SNX14: variants seen among roughly 807,000 people sequenced by gnomAD.
The protein encoded by SNX14 is sorting nexin-14.
SNX14 carries 93 observed loss-of-function variants against 133.8 expected under a neutral mutation model. The ratio of observed to expected loss-of-function variants is 0.70; its 90% CI spans 0.59 to 0.83. The LOEUF (loss-of-function observed/expected upper bound fraction) is 0.83. Among genes scored for constraint, SNX14 ranks in the 40% least tolerant of loss-of-function variants. The probability of loss-of-function intolerance (pLI) is 0.00; values close to 1 mark genes in which losing one functional copy is unlikely to be tolerated. For missense variants in SNX14, 945 were observed against 1,094.9 expected (o/e 0.86, Z 1.93); for synonymous variants, 368 against 365.6 (o/e 1.01, Z -0.07).
At chr6:85,558,124 T>C in intron 6 of SNX14, 64 bp from the exon 7 acceptor site, 1 of 789,668 alleles carries the variant, frequency 1.3e-6, no homozygotes, top group Non-Finnish European at 2.1e-6. Flanking sequence ...GCAGGTACAC[T>C]ACAATTATGA....
At chr6:85,580,772 G>A (rs1383651409) in intron 1 of SNX14, among the ~76,000 whole-genome samples, 1 of 152,154 alleles carries the variant, frequency 6.6e-6, no homozygotes, top group Non-Finnish European at 1.5e-5. Flanking sequence ...TCTTTTGCCT[G>A]GGGAAAAGGA....
Position 85,514,119 on chromosome 6 carries a change from T to C in SNX14, c.2508A>G (p.Glu836=), listed in dbSNP as rs1475226126. The change falls in exon 25 of 29, where the codon GAA becomes GAG. Residue 836 remains glutamate (E), a synonymous_variant. Transcript: ENST00000314673. ...YTDYYLQCKL[E]QLFQEHRLVS... is the part of the protein sequence containing the mutation. ...CCAAACGGTGCTCCTGAAATAGCTGTTCTAGTTTACACTGAAGATAGTAAT... is the reference window on the plus strand; with the variant it reads ...CCAAACGGTGCTCCTGAAATAGCTGCTCTAGTTTACACTGAAGATAGTAAT... The C allele has an allele frequency of 6.2e-7, 1 of 1,613,932 alleles. No individual in the cohort carries two copies. The highest frequency in any genetic ancestry group is 2.2e-5 in the East Asian group (1 of 44,840).
chr6:85,530,598 T>C (rs1454014205), intron 18 of SNX14, among the ~76,000 whole-genome samples: 1 of 151,082 alleles, frequency 6.6e-6, no homozygotes, highest in African/African-American at 2.4e-5. Context: ...CGAGCCGAGA[T>C]TGCGCCATTG....
At chr6:85,543,565 AAG>A in intron 13 of SNX14, 38 bp downstream of exon 13, 1 of 1,489,680 alleles carries the variant, frequency 6.7e-7, no homozygotes, top group Non-Finnish European at 9.1e-7. Flanking sequence ...GAAAAACTGT[AAG>A]AGTGCTAAAT....
At chr6:85,513,767 A>G in intron 26 of SNX14, 33 bp downstream of exon 26, 1 of 1,500,332 alleles carries the variant, frequency 6.7e-7, no homozygotes, top group Non-Finnish European at 9.2e-7. Flanking sequence ...CTGCTAATCT[A>G]TATGAAATTA....
intron 7 of SNX14, among the ~76,000 whole-genome samples, chr6:85,551,572 G>A (rs1787848659): frequency 6.6e-6 from 1 of 152,118 alleles, no homozygotes; most frequent in Admixed American, 6.6e-5. Flanking sequence ...TTGAGAACCT[G>A]GGAAGGAACT....
intron 26 of SNX14, 150 bp from the exon 27 acceptor site, chr6:85,508,209 C>G (rs1378425670): frequency 7.5e-7 from 1 of 1,331,516 alleles, no homozygotes. Context: ...CTATAAGAGG[C>G]TCCTGGATAA....
rs1298934012 is a variant in SNX14, at chr6:85,507,253, G to C, written c.2782C>G (p.Leu928Val). 6.2e-7 allele frequency: 1 copy of C among 1,611,278 alleles called. No individual in the cohort carries two copies. Among genetic ancestry groups the C allele is most frequent in the Non-Finnish European group, 8.5e-7 (1 of 1,179,084 alleles). ...GTTACCTTATTGAGCTCTGGAAACA[G>C]TTCCTGTATCACAATGTCCAATAAA... Reference protein sequence around the residue: ...YVLLDIVIQELFPELNKVQKE... With the variant: ...YVLLDIVIQEVFPELNKVQKE... The change falls in exon 28 of 29, where the codon CTG becomes GTG. Residue 928 changes from leucine (L) to valine (V), a missense_variant. Physicochemically the swap from Leu to Val is conservative, Grantham distance 32. Transcript: ENST00000314673.
At position 85,520,364 on chromosome 6, in the gene SNX14, T is replaced by G. The variant is rs1349688899; in HGVS notation, c.2108-2316A>C. On this transcript the variant is annotated intron_variant, in intron 21 of 28. Coordinates refer to ENST00000314673, the MANE Select transcript of SNX14 (RefSeq NM_153816.6). ...AGTCAATGCTATATTATTTTTTACC[T>G]TTTTTTTTTTTTAGATGGAGTTTTG... Among the ~76,000 whole-genome samples the G allele has an allele frequency of 4.5e-5, 6 of 133,756 alleles. No individual in the cohort carries two copies. The Admixed American group carries it at 4.5e-4, about 10-fold the overall frequency. 87.7% of individuals were successfully genotyped at this position (133,756 alleles called of 152,430 possible).
chr6:85,571,691 A>G (rs75894697), intron 4 of SNX14, among the ~76,000 whole-genome samples: 130 of 152,334 alleles, frequency 8.5e-4, no homozygotes, highest in Non-Finnish European at 1.7e-3. Context: ...AACAAAGATA[A>G]GAGAACATGC....
At chr6:85,590,199 AT>A (rs1166096689) in intron 1 of SNX14, among the ~76,000 whole-genome samples, 5 of 152,228 alleles carry the variant, frequency 3.3e-5, no homozygotes, top group African/African-American at 1.2e-4. Flanking sequence ...GCTGGTACTT[AT>A]CTTTTTCCTT....
At chr6:85,537,376 T>C (rs1782281762) in intron 16 of SNX14, among the ~76,000 whole-genome samples, 1 of 152,152 alleles carries the variant, frequency 6.6e-6, no homozygotes, top group South Asian at 2.1e-4. Context: ...ACTATTACTT[T>C]CTCAGTACTT....
chr6:85,543,856 C>G (rs1231393192), intron 12 of SNX14, 96 bp from the exon 13 acceptor site: 5 of 655,424 alleles, frequency 7.6e-6, no homozygotes, highest in Non-Finnish European at 1.1e-5. Flanking sequence ...ATACTAACAG[C>G]AGCAATTAGA....
At chr6:85,531,661 T>C (rs1211336013) in intron 18 of SNX14, among the ~76,000 whole-genome samples, 1 of 152,206 alleles carries the variant, frequency 6.6e-6, no homozygotes, top group Non-Finnish European at 1.5e-5. Context: ...TCCCTCATAA[T>C]CATGGTTTCT....
intron 21 of SNX14, among the ~76,000 whole-genome samples, chr6:85,525,417 A>G (rs1267022257): frequency 2.6e-5 from 4 of 152,164 alleles, no homozygotes; most frequent in African/African-American, 9.7e-5. Context: ...GAAAAATTCA[A>G]AACAAATTAA....
At chr6:85,526,685 G>A (rs181582408) in intron 20 of SNX14, among the ~76,000 whole-genome samples, 2 of 152,186 alleles carry the variant, frequency 1.3e-5, no homozygotes, top group East Asian at 1.9e-4. Flanking sequence ...TTTAAAAGTC[G>A]GCATAAAGGG....
intron 12 of SNX14, among the ~76,000 whole-genome samples, chr6:85,545,667 C>A (rs1472183189): frequency 6.6e-6 from 1 of 152,104 alleles, no homozygotes; most frequent in Non-Finnish European, 1.5e-5. Flanking sequence ...TACCACTCAG[C>A]AAAGAACAAA....
chr6:85,518,346 T>A (rs534076191), intron 21 of SNX14, among the ~76,000 whole-genome samples: 1 of 152,274 alleles, frequency 6.6e-6, no homozygotes, highest in East Asian at 1.9e-4. Context: ...ATTACATAAT[T>A]TTGTCTACTT....
intron 1 of SNX14, among the ~76,000 whole-genome samples, chr6:85,589,876 C>A (rs1482839804): frequency 6.6e-6 from 1 of 152,162 alleles, no homozygotes; most frequent in Non-Finnish European, 1.5e-5. Context: ...TATTGGAGTT[C>A]TCTTCCACAG....
Sources: gnomAD v4.1 joint callset for allele counts (sites outside exome capture counted in the v4.1 genomes callset) on GRCh38, gnomAD v4.1.1 for gene constraint, MANE v1.5 for transcripts, NCBI Gene and HGNC (gene_info 2026-07-23, HGNC 2026-07-21) for gene names.